The following AR variants were observed in gnomAD, a reference collection of about 807,000 sequenced individuals.
AR encodes androgen receptor.
In AR, 8 loss-of-function variants were observed where a neutral mutation model predicts 53.9. The observed-to-expected ratio is 0.15, with a 90% confidence interval of 0.09 to 0.27. The LOEUF is 0.27. AR is among the 10% of genes least tolerant of loss of function. The pLI is 1.00. For synonymous variants in AR, 359 were observed against 316.4 expected, an observed-to-expected ratio of 1.13 and a Z score of -1.43; for missense variants, 639 against 742.5, an observed-to-expected ratio of 0.86 and a Z score of 1.62.
rs2076171808 is a variant in AR at position 67,729,605 on chromosome X, C to G, written c.*5764C>G. ...TAGGTTTTTTCCTTTCCCCACCTGTCTCTTAGCCTGGGGAATTAAATGAGA... is the reference window on the plus strand; with the variant it reads ...TAGGTTTTTTCCTTTCCCCACCTGTGTCTTAGCCTGGGGAATTAAATGAGA... On this transcript the variant is annotated 3_prime_UTR_variant, in exon 8 of 8. Transcript: ENST00000374690. 5.8e-6 allele frequency: 1 copy of G among 172,789 alleles called. No individual in the cohort carries two copies. The highest frequency in any genetic ancestry group is 1.1e-5 in the Non-Finnish European group (1 of 90,865). The allele number at this position is 172,789 out of a possible 1,213,427, so 14.2% of individuals were successfully genotyped here. A position where few individuals can be genotyped will look rare whatever the true frequency, so the allele number is the denominator to read the frequency against.
chrX:67,613,450 T>C (rs755668469), intron 1 of AR, among the ~76,000 whole-genome samples: 9 of 109,777 alleles, frequency 8.2e-5, no homozygotes, highest in Non-Finnish European at 1.5e-4. Context: ...TAAGAGTGGA[T>C]TGGTAGCTCC....
rs2076173989 is a variant in AR, at chrX:67,730,138, C to T, written c.*6297C>T. ...AGCAGGAGGGAGCAGACTATGTAAA[C>T]AGAGATAAAAATTAATTTTCAATAT... On this transcript the variant is annotated 3_prime_UTR_variant, in exon 8 of 8. Transcript: ENST00000374690. 6.1e-6 allele frequency: 1 copy of T among 164,589 alleles called. No individual in the cohort carries two copies. The highest frequency in any genetic ancestry group is 3.1e-5 in the African/African-American group (1 of 32,042). The allele number at this position is 164,589 out of a possible 1,213,427, so 13.6% of individuals were successfully genotyped here.
chrX:67,701,584 T>A (rs1283089797), intron 3 of AR, among the ~76,000 whole-genome samples: 1 of 111,686 alleles, frequency 9.0e-6, no homozygotes, highest in Non-Finnish European at 1.9e-5. Context: ...GCCTTCTAGG[T>A]GTGTGTATGC....
chrX:67,551,945 G>A (rs931815595), intron 1 of AR, among the ~76,000 whole-genome samples: 9 of 111,874 alleles, frequency 8.0e-5, no homozygotes, highest in Non-Finnish European at 1.1e-4. Context: ...TAAATTTATA[G>A]CATTAAAGTG....
rs746873128 is a variant in AR, at chrX:67,544,143, C to T, written c.-1004C>T. On this transcript the variant is annotated 5_prime_UTR_variant, in exon 1 of 8. Transcript: ENST00000374690. ...CCGAGCTAGCCGCTCCAGTGCTGTA[C>T]AGGAGCCGAAGGGACGCACCACGCC... 59 of 169,955 alleles carry T rather than the reference C, an allele frequency of 3.5e-4. No individual in the cohort carries two copies. The highest frequency in any genetic ancestry group is 3.9e-3 in the Middle Eastern group (2 of 511). 14.0% of individuals were successfully genotyped at this position (169,955 alleles called of 1,213,427 possible).
At chrX:67,641,859 TG>T (rs1302441709) in intron 1 of AR, among the ~76,000 whole-genome samples, 37 of 42,460 alleles carry the variant, frequency 8.7e-4, no homozygotes, top group African/African-American at 1.6e-3. Context: ...TAACCTTTCA[TG>T]TTTTTTTTTT....
At chrX:67,672,756 A>T (rs2075873800) in intron 2 of AR, among the ~76,000 whole-genome samples, 1 of 111,511 alleles carries the variant, frequency 9.0e-6, no homozygotes, top group Non-Finnish European at 1.9e-5. Flanking sequence ...TTCATCTCAT[A>T]GTCTTTCTAC....
intron 1 of AR, among the ~76,000 whole-genome samples, chrX:67,571,991 C>G (rs927337989): frequency 9.0e-6 from 1 of 110,866 alleles, no homozygotes; most frequent in Admixed American, 9.6e-5. Flanking sequence ...TGCAGCCAAC[C>G]TTGATAATTT....
intron 1 of AR, among the ~76,000 whole-genome samples, chrX:67,613,416 A>G (rs1206516960): frequency 9.0e-6 from 1 of 111,194 alleles, no homozygotes; most frequent in Non-Finnish European, 1.9e-5. Context: ...GTCAAAAATA[A>G]TGGAGATCTT....
intron 6 of AR, 82 bp from the exon 7 acceptor site, chrX:67,722,745 G>A (rs2147537301): frequency 8.9e-7 from 1 of 1,127,424 alleles, no homozygotes; most frequent in Non-Finnish European, 1.2e-6. Flanking sequence ...GGTCAAGTCT[G>A]TGGTCAGAAA....
At chrX:67,560,485 C>G (rs979278558) in intron 1 of AR, among the ~76,000 whole-genome samples, 1 of 111,832 alleles carries the variant, frequency 8.9e-6, no homozygotes, top group African/African-American at 3.2e-5. Context: ...GGTGGGAGTC[C>G]TGTCTTATTT....
chrX:67,587,727 G>C lies in AR; in HGVS notation c.1616+40965G>C, dbSNP rs548487619. On this transcript the variant is annotated intron_variant, in intron 1 of 7. Coordinates refer to ENST00000374690, the MANE Select transcript of AR (RefSeq NM_000044.6). ...TTTGGGTTATACTTACTCATAGTGTGACCCTGGCAAATGATTTAACTTCTC... is the reference window on the plus strand; with the variant it reads ...TTTGGGTTATACTTACTCATAGTGTCACCCTGGCAAATGATTTAACTTCTC... 2.7e-5 allele frequency among the ~76,000 whole-genome samples: 3 copies of C among 111,238 alleles called. No individual in the cohort carries two copies. The South Asian group carries it at 1.2e-3, about 44-fold the overall frequency.
chrX:67,633,019 G>T (rs1925244573), intron 1 of AR, among the ~76,000 whole-genome samples: 1 of 112,088 alleles, frequency 8.9e-6, no homozygotes, highest in Admixed American at 9.4e-5. Flanking sequence ...AACAAGTATT[G>T]GCTTTAATGT....
intron 1 of AR, among the ~76,000 whole-genome samples, chrX:67,632,354 T>A (rs1192550213): frequency 2.7e-5 from 3 of 112,820 alleles, no homozygotes; most frequent in African/African-American, 9.7e-5. Context: ...CGCCGTTTTT[T>A]AAGCCCGTCA....
At chrX:67,633,347 C>A (rs983297748) in intron 1 of AR, among the ~76,000 whole-genome samples, 1 of 111,556 alleles carries the variant, frequency 9.0e-6, no homozygotes, top group Non-Finnish European at 1.9e-5. Context: ...TTCATATGTA[C>A]TCAATATTTA....
chrX:67,635,061 ATGTATTTACCTTTC>A (rs1925363089), intron 1 of AR, among the ~76,000 whole-genome samples: 1 of 95,722 alleles, frequency 1.0e-5, no homozygotes, highest in African/African-American at 4.2e-5. Context: ...CAACCCCCAC[ATGTATTTACCTTTC>A]TCTAAAAGCT....
At chrX:67,623,186 C>T (rs12353686) in intron 1 of AR, among the ~76,000 whole-genome samples, 4 of 110,360 alleles carry the variant, frequency 3.6e-5, no homozygotes, top group East Asian at 2.9e-4. Flanking sequence ...CCCATAAATC[C>T]GCCCTTTCAT....
intron 3 of AR, among the ~76,000 whole-genome samples, chrX:67,691,473 G>A (rs1054486018): frequency 8.9e-6 from 1 of 111,936 alleles, no homozygotes; most frequent in African/African-American, 3.3e-5. Flanking sequence ...CATATCACAG[G>A]TCCTGGTGAA....
At chrX:67,710,046 G>A (rs1305722890) in intron 3 of AR, among the ~76,000 whole-genome samples, 1 of 111,181 alleles carries the variant, frequency 9.0e-6, no homozygotes, top group Non-Finnish European at 1.9e-5. Flanking sequence ...AAATGTATGT[G>A]TGTGTGTTTT....
Sources: allele counts gnomAD v4.1 joint callset (sites outside exome capture counted in the v4.1 genomes callset), GRCh38; gene constraint gnomAD v4.1.1; transcripts MANE v1.5; gene names NCBI Gene and HGNC (gene_info 2026-07-23, HGNC 2026-07-21).